ARSB: variants seen among roughly 807,000 people sequenced by gnomAD.
ARSB encodes the protein arylsulfatase B.
Under a neutral mutation model 50.9 loss-of-function variants are expected in ARSB, and 41 were observed. The observed-to-expected ratio is 0.81, with a 90% confidence interval of 0.63 to 1.04. ARSB has a LOEUF of 1.04. Among genes scored for constraint, ARSB ranks in the 50% least tolerant of loss-of-function variants. The probability of loss-of-function intolerance (pLI) is 0.00; values close to 1 mark genes in which losing one functional copy is unlikely to be tolerated. For synonymous variants in ARSB, 269 were observed against 284.8 expected, an observed-to-expected ratio of 0.94 and a Z score of 0.56; for missense variants, 672 against 693.3, an observed-to-expected ratio of 0.97 and a Z score of 0.35.
intron 6 of ARSB, among the ~76,000 whole-genome samples, chr5:78,834,607 G>GTGTA (rs1185355030): frequency 0.012 from 1,069 of 85,612 alleles, 36 homozygotes; most frequent in African/African-American, 0.034. Context: ...ATATATATGT[G>GTGTA]TATATATATA....
At chr5:78,903,549 T>C (rs548741652) in intron 4 of ARSB, among the ~76,000 whole-genome samples, 1 of 152,376 alleles carries the variant, frequency 6.6e-6, no homozygotes, top group African/African-American at 2.4e-5. Context: ...GTCAATGTGC[T>C]TCTCTTTCTC....
At position 78,777,566 on chromosome 5, in the gene ARSB, A is replaced by T. The variant is rs1225906488; in HGVS notation, c.*2831T>A. On this transcript the variant is annotated 3_prime_UTR_variant, in exon 8 of 8. Coordinates refer to ENST00000264914, the MANE Select transcript of ARSB (RefSeq NM_000046.5). ...AGCAAAACCTTCTGTAAAGGTAAAA[A>T]AATTTGCCGGGCACAGTGGCTCACA... is the stretch of plus-strand genomic sequence containing the variant. 6.6e-6 allele frequency: 1 copy of T among 152,574 alleles called. No individual in the cohort carries two copies. The highest frequency in any genetic ancestry group is 1.5e-5 in the Non-Finnish European group (1 of 68,024). The allele number at this position is 152,574 out of a possible 1,614,324, so 9.5% of individuals were successfully genotyped here. A position where few individuals can be genotyped will look rare whatever the true frequency, so the allele number is the denominator to read the frequency against.
intron 4 of ARSB, among the ~76,000 whole-genome samples, chr5:78,939,847 G>T (rs1457474088): frequency 2.0e-5 from 3 of 152,118 alleles, no homozygotes; most frequent in Non-Finnish European, 4.4e-5. Flanking sequence ...GATCCCTGAG[G>T]AATCGCCACA....
chr5:78,963,749 G>C (rs1282638348), intron 3 of ARSB, among the ~76,000 whole-genome samples: 1 of 152,134 alleles, frequency 6.6e-6, no homozygotes. Context: ...ATATGGATTA[G>C]AAGACCCAAT....
intron 6 of ARSB, among the ~76,000 whole-genome samples, chr5:78,805,458 C>T (rs1401100560): frequency 1.3e-5 from 2 of 152,154 alleles, no homozygotes; most frequent in Admixed American, 6.5e-5. Context: ...TGTTTCTATT[C>T]GTTATTGTTA....
intron 4 of ARSB, among the ~76,000 whole-genome samples, chr5:78,919,344 A>G (rs1387443195): frequency 2.0e-5 from 3 of 152,216 alleles, no homozygotes; most frequent in African/African-American, 7.2e-5. Flanking sequence ...GCCAGTAGCT[A>G]GCCTGGGATT....
chr5:78,958,023 A>G (rs549481939), intron 3 of ARSB, among the ~76,000 whole-genome samples: 1 of 152,178 alleles, frequency 6.6e-6, no homozygotes, highest in East Asian at 1.9e-4. Flanking sequence ...CTTTTTTGGA[A>G]AAATCAGAAT....
intron 4 of ARSB, among the ~76,000 whole-genome samples, chr5:78,912,224 A>G (rs58436837): frequency 0.036 from 5,485 of 152,280 alleles, 325 homozygotes; most frequent in African/African-American, 0.12. Context: ...AAGCATAAGG[A>G]AAAAGAGAGA....
chr5:78,798,318 C>G (rs1297047507), intron 6 of ARSB, among the ~76,000 whole-genome samples: 1 of 149,110 alleles, frequency 6.7e-6, no homozygotes, highest in East Asian at 2.0e-4. Context: ...CTGTCTCTGT[C>G]TAAATACACG....
At chr5:78,879,334 G>A (rs1347732692) in intron 5 of ARSB, among the ~76,000 whole-genome samples, 4 of 152,206 alleles carry the variant, frequency 2.6e-5, no homozygotes, top group Non-Finnish European at 1.5e-5. Flanking sequence ...GCTTAGAGAA[G>A]TCATGTCCCC....
chr5:78,953,434 T>C (rs1197073471), intron 4 of ARSB, among the ~76,000 whole-genome samples: 1 of 152,216 alleles, frequency 6.6e-6, no homozygotes, highest in East Asian at 1.9e-4. Flanking sequence ...AGAGAATCCA[T>C]TATCATGAGG....
intron 4 of ARSB, among the ~76,000 whole-genome samples, chr5:78,943,644 C>T (rs1751054755): frequency 6.6e-6 from 1 of 152,202 alleles, no homozygotes; most frequent in Non-Finnish European, 1.5e-5. Flanking sequence ...TGCCGAGAGA[C>T]CGACTGTTAG....
intron 1 of ARSB, among the ~76,000 whole-genome samples, chr5:78,972,925 A>G (rs1256622337): frequency 6.6e-6 from 1 of 152,230 alleles, no homozygotes; most frequent in Non-Finnish European, 1.5e-5. Context: ...TATTTGACAG[A>G]GCATTTTTAT....
chr5:78,904,856 T>A (rs1748974190), intron 4 of ARSB, among the ~76,000 whole-genome samples: 1 of 151,916 alleles, frequency 6.6e-6, no homozygotes, highest in African/African-American at 2.4e-5. Flanking sequence ...ACCTGACTAA[T>A]TTTTGTATTT....
chr5:78,935,154 AC>A (rs1204861414), intron 4 of ARSB, among the ~76,000 whole-genome samples: 17 of 152,200 alleles, frequency 1.1e-4, no homozygotes, highest in African/African-American at 4.1e-4. Context: ...ATAATAAATC[AC>A]CTTCAATTTA....
At chr5:78,799,875 T>C (rs762584089) in intron 6 of ARSB, among the ~76,000 whole-genome samples, 2 of 151,996 alleles carry the variant, frequency 1.3e-5, no homozygotes, top group Non-Finnish European at 2.9e-5. Context: ...GAAGGGAAAA[T>C]TGGAAAGACA....
At chr5:78,871,922 C>A (rs1167577663) in intron 5 of ARSB, among the ~76,000 whole-genome samples, 3 of 150,126 alleles carry the variant, frequency 2.0e-5, no homozygotes, top group Non-Finnish European at 4.4e-5. Flanking sequence ...ACTCATCTGA[C>A]AAAGGGCTAA....
In ARSB at chr5:78,915,666, T is replaced by C. The variant is rs546093975; in HGVS notation, c.899-29839A>G. Among the ~76,000 whole-genome samples, 7 of 152,246 alleles carry C rather than the reference T, an allele frequency of 4.6e-5. No individual in the cohort carries two copies. In the East Asian group the frequency reaches 1.4e-3, roughly 29 times the overall value. On this transcript the variant is annotated intron_variant, in intron 4 of 7. Transcript: ENST00000264914. Reference sequence around the variant, plus strand: ...TCCAAAACACTTAGGACCAGAAGTGTTTGGGATTTAAAATTTTTTTTGTGG... The same window carrying C: ...TCCAAAACACTTAGGACCAGAAGTGCTTGGGATTTAAAATTTTTTTTGTGG...
chr5:78,782,435 AG>A (rs1479606112), intron 6 of ARSB, among the ~76,000 whole-genome samples: 4 of 152,238 alleles, frequency 2.6e-5, no homozygotes, highest in African/African-American at 9.6e-5. Context: ...GCCATGATAG[AG>A]TACAAAGACT....
Sources: allele counts gnomAD v4.1 joint callset (sites outside exome capture counted in the v4.1 genomes callset), GRCh38; gene constraint gnomAD v4.1.1; transcripts MANE v1.5; gene names NCBI Gene and HGNC (gene_info 2026-07-23, HGNC 2026-07-21).